ADAMTSL1: variants seen among roughly 807,000 people sequenced by gnomAD.
ADAMTSL1 encodes the protein ADAMTS like 1, also known as ADAMTS-like protein 1.
In ADAMTSL1, 126 loss-of-function variants were observed where a neutral mutation model predicts 201.8. That is an observed-to-expected ratio of 0.62 (90% CI 0.54 to 0.72). The LOEUF is 0.72. Ranked by LOEUF, ADAMTSL1 falls within the 30% of genes least tolerant of loss-of-function variation. The pLI, the probability that ADAMTSL1 is intolerant of heterozygous loss-of-function variation, is 0.00. For synonymous variants in ADAMTSL1, 1,121 were observed against 903.4 expected (o/e 1.24, Z -4.32); for missense variants, 2,679 against 2,277.8 (o/e 1.18, Z -3.59).
At chr9:18,237,772 A>T (rs1830906179) in intron 2 of ADAMTSL1, among the ~76,000 whole-genome samples, 1 of 152,228 alleles carries the variant, frequency 6.6e-6, no homozygotes, top group Non-Finnish European at 1.5e-5. Flanking sequence ...ATAATTCATC[A>T]GTACTTAATT....
intron 2 of ADAMTSL1, among the ~76,000 whole-genome samples, chr9:18,297,479 A>G (rs1001362315): frequency 3.9e-5 from 6 of 152,056 alleles, no homozygotes; most frequent in Non-Finnish European, 7.4e-5. Context: ...GTAATCTCAG[A>G]CGTGAACTTA....
chr9:18,728,081 A>AAAATAAATAAAT (rs61237330), intron 15 of ADAMTSL1, among the ~76,000 whole-genome samples: 1 of 143,978 alleles, frequency 6.9e-6, no homozygotes, highest in East Asian at 2.1e-4. Context: ...CTCTGTCTCA[A>AAAATAAATAAAT]AAATAAATAA....
chr9:18,197,984 C>T (rs909717574), intron 2 of ADAMTSL1, among the ~76,000 whole-genome samples: 4 of 152,150 alleles, frequency 2.6e-5, no homozygotes, highest in Admixed American at 6.5e-5. Flanking sequence ...CTTTGACAAA[C>T]CTGAGAAAAA....
intron 1 of ADAMTSL1, among the ~76,000 whole-genome samples, chr9:18,104,788 T>C (rs1197334917): frequency 1.3e-5 from 2 of 152,210 alleles, no homozygotes; most frequent in Non-Finnish European, 2.9e-5. Context: ...TAATCAGTTA[T>C]TCAATTCAAT....
intron 1 of ADAMTSL1, among the ~76,000 whole-genome samples, chr9:18,076,518 G>A (rs1823232540): frequency 6.6e-6 from 1 of 152,216 alleles, no homozygotes; most frequent in Non-Finnish European, 1.5e-5. Flanking sequence ...GGATAATGAG[G>A]AAAGGGGCTT....
chr9:18,851,583 C>G (rs912659686), intron 23 of ADAMTSL1, among the ~76,000 whole-genome samples: 3 of 152,146 alleles, frequency 2.0e-5, no homozygotes, highest in African/African-American at 7.2e-5. Context: ...GAGGGCCAAG[C>G]CAGCAACTTA....
intron 2 of ADAMTSL1, among the ~76,000 whole-genome samples, chr9:18,193,999 C>T (rs147360000): frequency 6.6e-6 from 1 of 152,040 alleles, no homozygotes; most frequent in East Asian, 1.9e-4. Flanking sequence ...ATAATAACAA[C>T]CATGATGATA....
chr9:18,884,767 T>A (rs1283920067), intron 23 of ADAMTSL1, among the ~76,000 whole-genome samples: 1 of 152,224 alleles, frequency 6.6e-6, no homozygotes, highest in Non-Finnish European at 1.5e-5. Flanking sequence ...GTCTGTTTTA[T>A]GCCAGTACAG....
chr9:18,604,839 G>T (rs1286384774), intron 4 of ADAMTSL1, among the ~76,000 whole-genome samples: 1 of 152,120 alleles, frequency 6.6e-6, no homozygotes, highest in Non-Finnish European at 1.5e-5. Flanking sequence ...CAGCCATACT[G>T]TTTTCTGCAG....
intron 1 of ADAMTSL1, among the ~76,000 whole-genome samples, chr9:18,097,956 T>TA (rs1439288677): frequency 6.6e-6 from 1 of 151,998 alleles, no homozygotes; most frequent in African/African-American, 2.4e-5. Context: ...GTTTTATAGT[T>TA]TTAGCTTTTA....
intron 1 of ADAMTSL1, among the ~76,000 whole-genome samples, chr9:18,100,826 T>A (rs75655106): frequency 6.6e-6 from 1 of 152,364 alleles, no homozygotes; most frequent in East Asian, 1.9e-4. Context: ...TATCAGCTTC[T>A]GTTCTGAAAT....
intron 14 of ADAMTSL1, among the ~76,000 whole-genome samples, chr9:18,719,883 T>C (rs2133413852): frequency 6.6e-6 from 1 of 152,302 alleles, no homozygotes; most frequent in South Asian, 2.1e-4. Flanking sequence ...TCAACTGTAC[T>C]ATACTAGGTA....
At chr9:18,770,850 A>G in intron 17 of ADAMTSL1, 69 bp downstream of exon 17, 1 of 1,479,064 alleles carries the variant, frequency 6.8e-7, no homozygotes, top group East Asian at 2.3e-5. Flanking sequence ...AGACATATAC[A>G]TAGAAAAGGC....
intron 1 of ADAMTSL1, among the ~76,000 whole-genome samples, chr9:17,923,631 A>T (rs1588422317): frequency 8.8e-6 from 1 of 113,612 alleles, no homozygotes; most frequent in African/African-American, 3.3e-5. Context: ...TCTCCTGCCT[A>T]ATTGCCCTGG....
chr9:18,210,454 AAT>A (rs937244048), intron 2 of ADAMTSL1, among the ~76,000 whole-genome samples: 9 of 147,030 alleles, frequency 6.1e-5, no homozygotes, highest in Admixed American at 2.1e-4. Context: ...TATATTAATA[AAT>A]ATATATTAAT....
chr9:18,503,421 G>GTGTGTATATATATATATATA lies in ADAMTSL1; in HGVS notation c.64-1407_64-1406insGTGTATATATATATATATAT, dbSNP rs376466829. 8.7e-5 allele frequency among the ~76,000 whole-genome samples: 10 copies of GTGTGTATATATATATATATA among 115,288 alleles called. 1 individual carries two copies. The East Asian group carries it at 1.2e-3, about 13-fold the overall frequency. 75.6% of individuals were successfully genotyped at this position (115,288 alleles called of 152,430 possible). ...TTAAGGCTGAATAGTATTCCATTGT[G>GTGTGTATATATATATATATA]TATATATATATATATATATACCACA... On this transcript the variant is annotated intron_variant, in intron 1 of 28. Coordinates refer to ENST00000380548, the MANE Select transcript of ADAMTSL1 (RefSeq NM_001040272.6).
chr9:18,721,234 C>T (rs1459196336), intron 14 of ADAMTSL1, among the ~76,000 whole-genome samples: 2 of 152,202 alleles, frequency 1.3e-5, no homozygotes, highest in African/African-American at 4.8e-5. Flanking sequence ...GCATTGGTGG[C>T]ATTAGCCTCG....
intron 19 of ADAMTSL1, among the ~76,000 whole-genome samples, chr9:18,783,269 C>T (rs190569944): frequency 3.0e-4 from 46 of 152,264 alleles, no homozygotes; most frequent in Non-Finnish European, 5.0e-4. Flanking sequence ...TATTGAACTC[C>T]AACTGGTAGA....
chr9:18,906,207 CA>C (rs1321633404), intron 27 of ADAMTSL1, among the ~76,000 whole-genome samples: 5 of 152,230 alleles, frequency 3.3e-5, no homozygotes, highest in African/African-American at 1.2e-4. Flanking sequence ...GAGGTCTGCA[CA>C]GCGGCCACCA....
Sources: allele counts gnomAD v4.1 joint callset (sites outside exome capture counted in the v4.1 genomes callset), GRCh38; gene constraint gnomAD v4.1.1; transcripts MANE v1.5; gene names NCBI Gene and HGNC (gene_info 2026-07-23, HGNC 2026-07-21).